Variants in ZFHX3 observed in about 807,000 individuals in gnomAD.
ZFHX3 encodes the protein zinc finger homeobox 3, also known as zinc finger homeobox protein 3.
ZFHX3 carries 42 observed loss-of-function variants against 279.1 expected under a neutral mutation model. The ratio of observed to expected loss-of-function variants is 0.15; its 90% CI spans 0.12 to 0.19. The LOEUF is 0.19. Ranked by LOEUF, ZFHX3 falls within the 10% of genes least tolerant of loss-of-function variation. The pLI is 1.00. For missense variants in ZFHX3, 4,981 were observed against 4,754.0 expected, an observed-to-expected ratio of 1.05 and a Z score of -1.40; for synonymous variants, 2,293 against 1,957.8, an observed-to-expected ratio of 1.17 and a Z score of -4.52.
intron 4 of ZFHX3, among the ~76,000 whole-genome samples, chr16:72,869,389 T>C (rs1005246137): frequency 2.0e-5 from 3 of 152,186 alleles, no homozygotes; most frequent in Non-Finnish European, 4.4e-5. Flanking sequence ...GTGTTTTTTT[T>C]TTCTTAAATA....
intron 4 of ZFHX3, among the ~76,000 whole-genome samples, chr16:73,315,042 A>G (rs900339041): frequency 1.3e-5 from 2 of 152,178 alleles, no homozygotes; most frequent in Non-Finnish European, 2.9e-5. Context: ...AGACTGGCCA[A>G]CGTAGTGAAA....
intron 1 of ZFHX3, among the ~76,000 whole-genome samples, chr16:73,795,084 C>A (rs1465698527): frequency 6.6e-6 from 1 of 152,182 alleles, no homozygotes; most frequent in East Asian, 1.9e-4. Flanking sequence ...CAAACACATA[C>A]TTCAAACTGA....
chr16:73,702,678 C>T (rs950803827), intron 1 of ZFHX3, among the ~76,000 whole-genome samples: 48 of 152,104 alleles, frequency 3.2e-4, no homozygotes, highest in African/African-American at 9.2e-4. Flanking sequence ...GATGAGACAG[C>T]GCAGAATTCA....
At chr16:72,829,702 C>G in intron 5 of ZFHX3, 77 bp downstream of exon 5, 1 of 1,531,210 alleles carries the variant, frequency 6.5e-7, no homozygotes, top group Non-Finnish European at 9.0e-7. Flanking sequence ...TAGCTCCATT[C>G]TTCCAGGGAA....
At chr16:73,622,248 G>A (rs1009162105) in intron 2 of ZFHX3, among the ~76,000 whole-genome samples, 1 of 152,140 alleles carries the variant, frequency 6.6e-6, no homozygotes, top group Non-Finnish European at 1.5e-5. Context: ...TACAGAATTT[G>A]GAGAGTTCTC....
intron 1 of ZFHX3, among the ~76,000 whole-genome samples, chr16:73,774,994 C>G (rs566305837): frequency 1.3e-5 from 2 of 152,174 alleles, no homozygotes; most frequent in Non-Finnish European, 2.9e-5. Context: ...GATATCATCT[C>G]TTGGACTCTG....
At chr16:72,865,447 T>C (rs890184008) in intron 4 of ZFHX3, among the ~76,000 whole-genome samples, 1 of 152,164 alleles carries the variant, frequency 6.6e-6, no homozygotes, top group East Asian at 1.9e-4. Context: ...TATCAGGCAT[T>C]TGGGCTGTGA....
chr16:73,501,052 T>C (rs1404757377), intron 2 of ZFHX3, among the ~76,000 whole-genome samples: 1 of 152,254 alleles, frequency 6.6e-6, no homozygotes, highest in Non-Finnish European at 1.5e-5. Flanking sequence ...CACTTTTTAA[T>C]CTTTTAAACG....
chr16:73,382,902 C>T (rs533378229), intron 3 of ZFHX3, among the ~76,000 whole-genome samples: 3 of 152,270 alleles, frequency 2.0e-5, no homozygotes, highest in South Asian at 4.2e-4. Flanking sequence ...AGTGCTGTTG[C>T]CCCTCTTGGC....
rs2035350406 is a variant in ZFHX3, at chr16:72,785,935, G to GTGAGGATCCTAATGACCCCTAGAATC, written c.*1203_*1228dup. 6.6e-6 allele frequency: 1 copy of GTGAGGATCCTAATGACCCCTAGAATC among 152,170 alleles called. No homozygotes were observed. The highest frequency in any genetic ancestry group is 1.5e-5 in the Non-Finnish European group (1 of 68,026). The allele number at this position is 152,170 out of a possible 1,614,324, so 9.4% of individuals were successfully genotyped here. A position where few individuals can be genotyped will look rare whatever the true frequency, so the allele number is the denominator to read the frequency against. On this transcript the variant is annotated 3_prime_UTR_variant, in exon 10 of 10. Coordinates refer to ENST00000268489, the MANE Select transcript of ZFHX3 (RefSeq NM_006885.4). ...TCAACTCCCCAACCAAAAATAATCT[G>GTGAGGATCCTAATGACCCCTAGAATC]TGAGGATCCTAATGACCCCTAGAAT...
chr16:73,296,103 T>C (rs1395929031), intron 4 of ZFHX3, among the ~76,000 whole-genome samples: 2 of 151,564 alleles, frequency 1.3e-5, no homozygotes, highest in South Asian at 2.1e-4. Flanking sequence ...TGTGTGTGTG[T>C]CTGTGTTTCA....
chr16:73,227,889 A>G (rs1413760167), intron 5 of ZFHX3, among the ~76,000 whole-genome samples: 1 of 151,686 alleles, frequency 6.6e-6, no homozygotes, highest in Non-Finnish European at 1.5e-5. Context: ...CGAAGCTGAA[A>G]CAACAATAAC....
intron 5 of ZFHX3, among the ~76,000 whole-genome samples, chr16:73,155,253 G>C (rs752362292): frequency 1.7e-4 from 25 of 150,908 alleles, no homozygotes; most frequent in African/African-American, 4.4e-4. Flanking sequence ...ACTCTGAATA[G>C]TTTCACTTGA....
intron 1 of ZFHX3, among the ~76,000 whole-genome samples, chr16:73,055,536 G>A (rs567706197): frequency 1.3e-5 from 2 of 152,094 alleles, no homozygotes; most frequent in Non-Finnish European, 2.9e-5. Context: ...TGCACCTTGG[G>A]TCAGATTCAA....
chr16:73,548,889 C>A lies in ZFHX3; in HGVS notation c.-1546-92631G>T, dbSNP rs375143323. ...AAATATGAAACTATTTGACTTTTCC[C>A]ATTGATTTACTTTCCCAGTTCACTT... On this transcript the variant is annotated intron_variant, in intron 2 of 17. Transcript: ENST00000641206. Among the ~76,000 whole-genome samples, 9 of 152,230 alleles carry A rather than the reference C, an allele frequency of 5.9e-5. No individual in the cohort carries two copies. The East Asian group carries it at 1.7e-3, about 29-fold the overall frequency.
chr16:72,914,950 T>C (rs1195251879), intron 3 of ZFHX3, among the ~76,000 whole-genome samples: 3 of 152,120 alleles, frequency 2.0e-5, no homozygotes, highest in Admixed American at 2.0e-4. Flanking sequence ...GAGATCACAC[T>C]ACTGCACTCT....
chr16:72,963,138 G>C (rs1393021330), intron 1 of ZFHX3, among the ~76,000 whole-genome samples: 1 of 152,190 alleles, frequency 6.6e-6, no homozygotes, highest in Admixed American at 6.5e-5. Context: ...TGGGAACCCA[G>C]TGGGTCCCCG....
intron 1 of ZFHX3, among the ~76,000 whole-genome samples, chr16:73,871,223 G>A (rs1962154345): frequency 6.6e-6 from 1 of 152,172 alleles, no homozygotes; most frequent in African/African-American, 2.4e-5. Context: ...TGACTGGAAA[G>A]CAAGAAATGC....
intron 4 of ZFHX3, among the ~76,000 whole-genome samples, chr16:73,258,578 G>A (rs1411992246): frequency 1.3e-5 from 2 of 152,030 alleles, no homozygotes; most frequent in Admixed American, 6.6e-5. Flanking sequence ...TCGATCTCCT[G>A]ACCTCGTGAT....
Sources: allele counts gnomAD v4.1 joint callset (sites outside exome capture counted in the v4.1 genomes callset), GRCh38; gene constraint gnomAD v4.1.1; transcripts MANE v1.5; gene names NCBI Gene and HGNC (gene_info 2026-07-23, HGNC 2026-07-21).